SOX6: variants seen among roughly 807,000 people sequenced by gnomAD.
SOX6 encodes the protein transcription factor SOX-6.
A neutral mutation model predicts 97.8 loss-of-function variants in SOX6; 11 were observed. That is an observed-to-expected ratio of 0.11 (90% CI 0.07 to 0.19). The LOEUF is 0.19. SOX6 is among the 10% of genes least tolerant of loss of function. SOX6 has a pLI of 1.00. For synonymous variants in SOX6, 360 were observed against 371.4 expected, an observed-to-expected ratio of 0.97 and a Z score of 0.35; for missense variants, 810 against 1,039.5, an observed-to-expected ratio of 0.78 and a Z score of 3.04.
At chr11:16,566,894 T>C (rs1847878223) in intron 4 of SOX6, among the ~76,000 whole-genome samples, 2 of 152,180 alleles carry the variant, frequency 1.3e-5, no homozygotes, top group African/African-American at 2.4e-5. Context: ...AGGAGCACTA[T>C]TCACAATAGC....
intron 2 of SOX6, among the ~76,000 whole-genome samples, chr11:16,330,660 AC>A (rs898622697): frequency 3.3e-5 from 5 of 152,214 alleles, no homozygotes; most frequent in African/African-American, 1.2e-4. Context: ...TACTCAAACT[AC>A]CATATACATG....
chr11:16,279,344 G>C (rs1854487698), intron 3 of SOX6, among the ~76,000 whole-genome samples: 1 of 151,930 alleles, frequency 6.6e-6, no homozygotes, highest in Non-Finnish European at 1.5e-5. Flanking sequence ...CCTATACAAG[G>C]CAAAATCATA....
At chr11:16,647,326 T>C (rs1475972764) in intron 3 of SOX6, among the ~76,000 whole-genome samples, 1 of 152,178 alleles carries the variant, frequency 6.6e-6, no homozygotes, top group Non-Finnish European at 1.5e-5. Flanking sequence ...ATAGATAGTA[T>C]GTCCATTTAT....
Position 16,471,019 on chromosome 11 carries a change from T to A in SOX6, c.-5+5296A>T, listed in dbSNP as rs1463231027. On this transcript the variant is annotated intron_variant, in intron 1 of 15. Coordinates refer to the SOX6 transcript ENST00000396356. ...TAGAATTTTTTAAAGGAATTCATTA[T>A]CAAATTACTAAAAAGACTTGGGTAA... Among the ~76,000 whole-genome samples, 5 of 151,672 alleles carry A rather than the reference T, an allele frequency of 3.3e-5. No homozygotes were observed. In the East Asian group the frequency reaches 9.7e-4, roughly 29 times the overall value.
At chr11:16,635,169 G>A (rs1051434960) in intron 3 of SOX6, among the ~76,000 whole-genome samples, 4 of 152,166 alleles carry the variant, frequency 2.6e-5, no homozygotes, top group African/African-American at 9.7e-5. Flanking sequence ...TCAAAAACGT[G>A]GAAGCAACTT....
At chr11:16,474,133 G>T (rs1860193211) in intron 1 of SOX6, among the ~76,000 whole-genome samples, 1 of 152,124 alleles carries the variant, frequency 6.6e-6, no homozygotes, top group East Asian at 1.9e-4. Flanking sequence ...ACATCTTTAG[G>T]CTCCACTTCT....
intron 3 of SOX6, among the ~76,000 whole-genome samples, chr11:16,641,710 C>G (rs1469592183): frequency 1.3e-5 from 2 of 152,124 alleles, no homozygotes; most frequent in African/African-American, 4.8e-5. Flanking sequence ...TCTGTTTTAT[C>G]AGAGACTAAG....
intron 9 of SOX6, among the ~76,000 whole-genome samples, chr11:16,076,794 C>T (rs1042148201): frequency 1.1e-4 from 16 of 142,232 alleles, no homozygotes; most frequent in Non-Finnish European, 1.5e-4. Context: ...TCGCCCAGGC[C>T]GGACTGCGGA....
chr11:16,008,653 GT>G (rs1235382361), intron 13 of SOX6, among the ~76,000 whole-genome samples: 5 of 152,034 alleles, frequency 3.3e-5, no homozygotes, highest in African/African-American at 1.2e-4. Context: ...AATGGAAATT[GT>G]TTTCTACCAA....
intron 6 of SOX6, among the ~76,000 whole-genome samples, chr11:16,142,640 T>C (rs1469986253): frequency 6.6e-6 from 1 of 151,468 alleles, no homozygotes; most frequent in Non-Finnish European, 1.5e-5. Context: ...GAATAACCAG[T>C]GTAGAGAAGT....
At chr11:16,093,368 C>T (rs542236414) in intron 9 of SOX6, among the ~76,000 whole-genome samples, 20 of 152,036 alleles carry the variant, frequency 1.3e-4, no homozygotes, top group Middle Eastern at 3.4e-3. Flanking sequence ...ATGGTCTTTA[C>T]GGAATCTTCC....
At chr11:16,268,534 T>C (rs1301808343) in intron 3 of SOX6, among the ~76,000 whole-genome samples, 1 of 151,170 alleles carries the variant, frequency 6.6e-6, no homozygotes, top group Non-Finnish European at 1.5e-5. Flanking sequence ...TCTAATTGTT[T>C]ATGCACCTAG....
intron 1 of SOX6, chr11:16,738,280 G>A (rs1464925975): frequency 6.3e-6 from 1 of 158,330 alleles, no homozygotes; most frequent in Non-Finnish European, 1.4e-5. Flanking sequence ...TATTCGTGAG[G>A]ATTCAGTCAG....
intron 1 of SOX6, among the ~76,000 whole-genome samples, chr11:16,466,925 C>A (rs1860047050): frequency 9.2e-6 from 1 of 109,082 alleles, no homozygotes. Context: ...AGCGAGACTC[C>A]GTCTCAAAAA....
At chr11:16,481,377 C>G (rs1860341934), upstream of SOX6, among the ~76,000 whole-genome samples, 1 of 151,952 alleles carries the variant, frequency 6.6e-6, no homozygotes, top group South Asian at 2.1e-4. Flanking sequence ...AAAATTATGT[C>G]TTCTAATGCA....
chr11:16,422,937 G>C (rs1859048309), intron 1 of SOX6, among the ~76,000 whole-genome samples: 1 of 151,962 alleles, frequency 6.6e-6, no homozygotes, highest in East Asian at 1.9e-4. Context: ...TGGTGTTTCT[G>C]CTTCAACAAC....
chr11:16,239,199 C>T (rs1853111421), intron 3 of SOX6, among the ~76,000 whole-genome samples: 1 of 152,012 alleles, frequency 6.6e-6, no homozygotes, highest in African/African-American at 2.4e-5. Context: ...AATTAAAACC[C>T]TCCAAGCTCA....
At chr11:16,618,022 G>GTAATTTAA (rs1360852887) in intron 3 of SOX6, among the ~76,000 whole-genome samples, 1 of 151,844 alleles carries the variant, frequency 6.6e-6, no homozygotes, top group Non-Finnish European at 1.5e-5. Context: ...ATTATTGCAA[G>GTAATTTAA]AGATCCTTTT....
At chr11:16,257,799 A>G (rs1460627647) in intron 3 of SOX6, among the ~76,000 whole-genome samples, 1 of 151,918 alleles carries the variant, frequency 6.6e-6, no homozygotes, top group Non-Finnish European at 1.5e-5. Flanking sequence ...AATATTTGCA[A>G]AAGACATATC....
Sources: allele counts gnomAD v4.1 joint callset (sites outside exome capture counted in the v4.1 genomes callset), GRCh38; gene constraint gnomAD v4.1.1; transcripts MANE v1.5; gene names NCBI Gene and HGNC (gene_info 2026-07-23, HGNC 2026-07-21).